The following CBFA2T2 variants were observed in gnomAD, a reference collection of about 807,000 sequenced individuals.
CBFA2T2 encodes the protein CBFA2/RUNX1 partner transcriptional co-repressor 2.
A neutral mutation model predicts 62.2 loss-of-function variants in CBFA2T2; 11 were observed. That is an observed-to-expected ratio of 0.18 (90% CI 0.11 to 0.29). CBFA2T2 has a LOEUF of 0.29. Ranked by LOEUF, CBFA2T2 falls within the 10% of genes least tolerant of loss-of-function variation. The probability of loss-of-function intolerance (pLI) is 1.00; values close to 1 mark genes in which losing one functional copy is unlikely to be tolerated. For synonymous variants in CBFA2T2, 295 were observed against 287.5 expected (o/e 1.03, Z -0.27); for missense variants, 592 against 774.1 (o/e 0.76, Z 2.79).
rs1034849922 is a variant in CBFA2T2 at position 33,548,244 on chromosome 20, TA to T, written c.34+57944del. 2.6e-5 allele frequency among the ~76,000 whole-genome samples: 4 copies of T among 151,754 alleles called. No individual in the cohort carries two copies. The South Asian group carries it at 6.2e-4, about 24-fold the overall frequency. The stretch of plus-strand genomic sequence containing the variant: ...TTTGAGTACTGGGAGTTTTTATTTT[TA>T]TTTTTTTTATTTTTTTTTTGAGATG... On this transcript the variant is annotated intron_variant, in intron 1 of 10. Coordinates refer to ENST00000342704, the MANE Select transcript of CBFA2T2 (RefSeq NM_001032999.3).
At chr20:33,539,231 T>C (rs2012345742) in intron 1 of CBFA2T2, among the ~76,000 whole-genome samples, 1 of 152,248 alleles carries the variant, frequency 6.6e-6, no homozygotes. Context: ...ACAAGAACTT[T>C]ACAATATGTC....
intron 1 of CBFA2T2, among the ~76,000 whole-genome samples, chr20:33,545,598 C>A (rs752003508): frequency 6.6e-6 from 1 of 152,198 alleles, no homozygotes; most frequent in Non-Finnish European, 1.5e-5. Context: ...AGGCACATGC[C>A]GCCATGCCTG....
At chr20:33,558,119 G>A (rs907480022) in intron 1 of CBFA2T2, among the ~76,000 whole-genome samples, 2 of 150,388 alleles carry the variant, frequency 1.3e-5, no homozygotes, top group African/African-American at 4.9e-5. Context: ...GAGCCACTGC[G>A]CCTGGGCGCG....
chr20:33,525,750 C>T (rs1411527897), intron 1 of CBFA2T2, among the ~76,000 whole-genome samples: 1 of 152,146 alleles, frequency 6.6e-6, no homozygotes, highest in Non-Finnish European at 1.5e-5. Context: ...CACCTGGGCT[C>T]AAGCAATTCT....
chr20:33,532,822 A>T (rs1010301394), intron 1 of CBFA2T2, among the ~76,000 whole-genome samples: 1 of 152,210 alleles, frequency 6.6e-6, no homozygotes, highest in African/African-American at 2.4e-5. Flanking sequence ...ATGGCATGGT[A>T]TTATAGATAA....
intron 5 of CBFA2T2, among the ~76,000 whole-genome samples, chr20:33,624,477 A>C (rs1312593595): frequency 1.3e-5 from 2 of 152,164 alleles, no homozygotes; most frequent in African/African-American, 4.8e-5. Flanking sequence ...AACTCAGAAA[A>C]ACGGTGTCAT....
intron 1 of CBFA2T2, among the ~76,000 whole-genome samples, chr20:33,604,057 A>G (rs939226582): frequency 3.3e-5 from 5 of 152,202 alleles, no homozygotes; most frequent in African/African-American, 1.2e-4. Flanking sequence ...CAAAAATGCC[A>G]CTTTACATTG....
intron 10 of CBFA2T2, among the ~76,000 whole-genome samples, 192 bp from the exon 11 acceptor site, chr20:33,644,155 T>C (rs2016964277): frequency 6.6e-6 from 1 of 152,024 alleles, no homozygotes; most frequent in Admixed American, 6.5e-5. Context: ...GTTTTACAGA[T>C]GAAGGAAACT....
chr20:33,606,108 C>T (rs1421815714), intron 1 of CBFA2T2, among the ~76,000 whole-genome samples: 5 of 152,142 alleles, frequency 3.3e-5, no homozygotes, highest in East Asian at 1.9e-4. Flanking sequence ...CATGAGCCAC[C>T]GTGCCCAGCC....
At chr20:33,583,687 C>T (rs2014219079) in intron 1 of CBFA2T2, among the ~76,000 whole-genome samples, 1 of 152,116 alleles carries the variant, frequency 6.6e-6, no homozygotes, top group African/African-American at 2.4e-5. Flanking sequence ...ACCAGCACTG[C>T]ATTTAGTAAC....
At chr20:33,492,467 T>C (rs577983010) in intron 1 of CBFA2T2, among the ~76,000 whole-genome samples, 1 of 151,568 alleles carries the variant, frequency 6.6e-6, no homozygotes, top group Admixed American at 6.7e-5. Context: ...TAGTTTAAAA[T>C]ATGCCCAAAA....
In CBFA2T2 at chr20:33,527,759, G is replaced by A. The variant is rs143124631; in HGVS notation, c.34+37458G>A. On this transcript the variant is annotated intron_variant, in intron 1 of 10. Transcript: ENST00000342704. ...GCGTTTTGCCTTGTTAACCAGTTTAGTCTCGAATGCCTGACCTCAGGTGAT... is the reference window on the plus strand; with the variant it reads ...GCGTTTTGCCTTGTTAACCAGTTTAATCTCGAATGCCTGACCTCAGGTGAT... Among the ~76,000 whole-genome samples the A allele has an allele frequency of 5.9e-5, 9 of 151,838 alleles. No individual in the cohort carries two copies. In the East Asian group the frequency reaches 1.7e-3, roughly 29 times the overall value.
rs978339278 is a variant in CBFA2T2, at chr20:33,649,032, C to T, written c.*4386C>T. Reference sequence around the variant, plus strand: ...AATGAAAACAGAATGACCGGATGGCCATCTGTCCTGGAAACTGTAGAATTG... The same window carrying T: ...AATGAAAACAGAATGACCGGATGGCTATCTGTCCTGGAAACTGTAGAATTG... On this transcript the variant is annotated 3_prime_UTR_variant, in exon 11 of 11. Transcript: ENST00000342704. 3 of 152,172 alleles carry T rather than the reference C, an allele frequency of 2.0e-5. No homozygotes were observed. Among genetic ancestry groups the T allele is most frequent in the African/African-American group, 4.8e-5 (2 of 41,436 alleles). 9.4% of individuals were successfully genotyped at this position (152,172 alleles called of 1,614,324 possible). A position where few individuals can be genotyped will look rare whatever the true frequency, so the allele number is the denominator to read the frequency against.
chr20:33,545,334 A>G (rs1196590560), intron 1 of CBFA2T2, among the ~76,000 whole-genome samples: 2 of 152,240 alleles, frequency 1.3e-5, no homozygotes, highest in African/African-American at 4.8e-5. Context: ...CCTGTGGAAC[A>G]CTTAACTACA....
In CBFA2T2 at chr20:33,598,491, C is replaced by T. The variant is rs149817845; in HGVS notation, c.35-8465C>T. ...GGCTCTGTTCTGCCTGGCTCATCAG[C>T]GGTCAGAGTTTAAGGTTATCTCTCT... is the stretch of plus-strand genomic sequence containing the variant. On this transcript the variant is annotated intron_variant, in intron 1 of 10. Transcript: ENST00000342704. Among the ~76,000 whole-genome samples, 895 of 152,272 alleles carry T rather than the reference C, an allele frequency of 5.9e-3. 7 individuals are homozygous for T. The highest frequency in any genetic ancestry group is 0.02 in the African/African-American group (832 of 41,544).
At chr20:33,564,288 G>T (rs2013202302) in intron 1 of CBFA2T2, among the ~76,000 whole-genome samples, 1 of 149,292 alleles carries the variant, frequency 6.7e-6, no homozygotes, top group Non-Finnish European at 1.5e-5. Flanking sequence ...TTCCGAGATG[G>T]AGTCTCACTC....
At chr20:33,526,882 T>A (rs1600930548) in intron 1 of CBFA2T2, among the ~76,000 whole-genome samples, 4 of 152,242 alleles carry the variant, frequency 2.6e-5, no homozygotes, top group African/African-American at 9.6e-5. Context: ...CTTACTCACC[T>A]GGCTTGCATT....
intron 1 of CBFA2T2, among the ~76,000 whole-genome samples, chr20:33,579,447 T>G (rs2014003357): frequency 6.6e-6 from 1 of 152,112 alleles, no homozygotes. Context: ...TCTTAAAAAT[T>G]TTATGGTTTG....
chr20:33,606,870 A>G, intron 1 of CBFA2T2, 86 bp from the exon 2 acceptor site: 4 of 1,322,856 alleles, frequency 3.0e-6, no homozygotes, highest in African/African-American at 1.4e-5. Flanking sequence ...GCAGTCCTCT[A>G]GGGAAGTATG....
Sources: gnomAD v4.1 joint callset for allele counts (sites outside exome capture counted in the v4.1 genomes callset) on GRCh38, gnomAD v4.1.1 for gene constraint, MANE v1.5 for transcripts, NCBI Gene and HGNC (gene_info 2026-07-23, HGNC 2026-07-21) for gene names.